Variants in CTBP2 observed in about 807,000 individuals in gnomAD.
CTBP2 encodes the protein C-terminal binding protein 2, also known as C-terminal-binding protein 2.
Under a neutral mutation model 80.3 loss-of-function variants are expected in CTBP2, and 30 were observed. That is an observed-to-expected ratio of 0.37 (90% CI 0.28 to 0.51). The LOEUF is 0.51. Ranked by LOEUF, CTBP2 falls within the 20% of genes least tolerant of loss-of-function variation. The pLI is 0.93. For synonymous variants in CTBP2, 594 were observed against 587.4 expected (o/e 1.01, Z -0.16); for missense variants, 1,212 against 1,375.3 (o/e 0.88, Z 1.88).
chr10:125,154,597 G>GA (rs1186450486), intron 1 of CTBP2, among the ~76,000 whole-genome samples: 10 of 152,244 alleles, frequency 6.6e-5, no homozygotes, highest in African/African-American at 1.2e-4. Flanking sequence ...CACTGAGGGA[G>GA]GGACTAGGCA....
chr10:125,111,786 A>G (rs946169571), intron 1 of CTBP2, among the ~76,000 whole-genome samples: 1 of 152,230 alleles, frequency 6.6e-6, no homozygotes, highest in Non-Finnish European at 1.5e-5. Context: ...CTATGCACAC[A>G]CAGCTGTGAG....
chr10:125,150,015 G>C (rs1006831963), intron 1 of CTBP2, among the ~76,000 whole-genome samples: 7 of 152,328 alleles, frequency 4.6e-5, no homozygotes, highest in African/African-American at 1.4e-4. Context: ...GTTTCTCCCT[G>C]GTTTTCACAG....
At chr10:125,110,820 T>C (rs897682571) in intron 2 of CTBP2, among the ~76,000 whole-genome samples, 170 bp downstream of exon 2, 22 of 152,302 alleles carry the variant, frequency 1.4e-4, no homozygotes, top group African/African-American at 5.1e-4. Flanking sequence ...TAAATGAAAA[T>C]ACTAGATGCA....
At chr10:125,126,107 G>A (rs1256265195) in intron 1 of CTBP2, among the ~76,000 whole-genome samples, 1 of 152,242 alleles carries the variant, frequency 6.6e-6, no homozygotes, top group Non-Finnish European at 1.5e-5. Flanking sequence ...CTAGACCGCA[G>A]TGCAGCGGTG....
chr10:125,077,939 T>C lies in CTBP2; in HGVS notation c.-102+33051A>G, dbSNP rs554090808. Among the ~76,000 whole-genome samples the C allele has an allele frequency of 2.3e-4, 35 of 152,206 alleles. No homozygotes were observed. In the South Asian group the frequency reaches 3.5e-3, roughly 15 times the overall value. ...CAGATTCAGCCCTGGGTGGTGCTGA[T>C]GGGGGGAGGTGGGGGCTGCTCTGAC... On this transcript the variant is annotated intron_variant, in intron 2 of 10. Coordinates refer to the CTBP2 transcript ENST00000337195.
chr10:124,994,998 T>C (rs551023384), intron 4 of CTBP2, among the ~76,000 whole-genome samples: 1 of 152,382 alleles, frequency 6.6e-6, no homozygotes, highest in East Asian at 1.9e-4. Context: ...CAAGCCCACA[T>C]GCCCCTCCCA....
intron 5 of CTBP2, among the ~76,000 whole-genome samples, 180 bp downstream of exon 7, chr10:124,994,289 C>T (rs1179266331): frequency 6.6e-6 from 1 of 152,234 alleles, no homozygotes; most frequent in Non-Finnish European, 1.5e-5. Flanking sequence ...CTCTGCTTAG[C>T]CTGGCTCAGC....
chr10:125,134,453 C>T (rs1395306473), intron 1 of CTBP2, among the ~76,000 whole-genome samples: 1 of 152,118 alleles, frequency 6.6e-6, no homozygotes, highest in Non-Finnish European at 1.5e-5. Flanking sequence ...GCTTCCTGGC[C>T]CTCTGCTTCA....
chr10:125,074,934 C>T (rs908328982), intron 2 of CTBP2, among the ~76,000 whole-genome samples: 19 of 152,182 alleles, frequency 1.2e-4, no homozygotes, highest in Non-Finnish European at 2.4e-4. Flanking sequence ...ACCTTGACTA[C>T]GACTTCCACA....
chr10:125,090,279 C>A (rs1848566261), intron 2 of CTBP2, among the ~76,000 whole-genome samples: 1 of 76,040 alleles, frequency 1.3e-5, no homozygotes, highest in Non-Finnish European at 2.6e-5. Flanking sequence ...CAGAGAGTCC[C>A]TGGCTCAAAA....
At chr10:125,086,223 T>G (rs1590666260) in intron 2 of CTBP2, among the ~76,000 whole-genome samples, 1 of 152,260 alleles carries the variant, frequency 6.6e-6, no homozygotes, top group East Asian at 1.9e-4. Flanking sequence ...ATGAACGGGA[T>G]TAGTGCCTGA....
chr10:124,996,001 C>T (rs1565022529), intron 4 of CTBP2: 2 of 152,036 alleles, frequency 1.3e-5, no homozygotes, highest in African/African-American at 4.8e-5. Flanking sequence ...GAAAAGCAGC[C>T]CAGAGCACCA....
chr10:125,097,868 G>A (rs1056895299), intron 2 of CTBP2, among the ~76,000 whole-genome samples: 8 of 152,124 alleles, frequency 5.3e-5, no homozygotes, highest in African/African-American at 1.7e-4. Flanking sequence ...TCCCAGCACA[G>A]CACCTTGGGA....
In CTBP2 at chr10:125,041,788, G is replaced by A. The variant is rs182042657; in HGVS notation, c.-101-2633C>T. Among the ~76,000 whole-genome samples, 526 of 152,212 alleles carry A rather than the reference G, an allele frequency of 3.5e-3. 7 individuals are homozygous for A. Among genetic ancestry groups the A allele is most frequent in the African/African-American group, 0.012 (503 of 41,522 alleles). On this transcript the variant is annotated intron_variant, in intron 2 of 10. Transcript: ENST00000337195. ...TCCTCCCCCAACCCCCGAGTGAGGC[G>A]TAATCATTCCTTTTGCTTTCCTTTG...
chr10:125,013,673 C>T (rs1956165669), intron 1 of CTBP2, among the ~76,000 whole-genome samples: 1 of 152,212 alleles, frequency 6.6e-6, no homozygotes, highest in East Asian at 1.9e-4. Context: ...GCTGTTTCCC[C>T]AGCAGGTAAC....
chr10:125,098,142 T>C (rs1212651665), intron 2 of CTBP2, among the ~76,000 whole-genome samples: 1 of 152,042 alleles, frequency 6.6e-6, no homozygotes, highest in Admixed American at 6.5e-5. Flanking sequence ...GAACAAAAAA[T>C]GCCAACAATA....
intron 1 of CTBP2, among the ~76,000 whole-genome samples, chr10:125,013,960 G>C (rs918777808): frequency 6.6e-6 from 1 of 152,104 alleles, no homozygotes; most frequent in African/African-American, 2.4e-5. Context: ...GTGATTGTTC[G>C]ATCTATCAAC....
intron 8 of CTBP2, among the ~76,000 whole-genome samples, chr10:124,990,668 C>G (rs1415410297): frequency 6.6e-6 from 1 of 152,232 alleles, no homozygotes; most frequent in Non-Finnish European, 1.5e-5. Context: ...CCTCCATCCC[C>G]CTAATTCCAG....
chr10:125,082,287 G>A (rs1322517575), intron 2 of CTBP2, among the ~76,000 whole-genome samples: 1 of 152,210 alleles, frequency 6.6e-6, no homozygotes, highest in Non-Finnish European at 1.5e-5. Flanking sequence ...GATGTGGCCA[G>A]ATGGGCTGCC....
Sources: gnomAD v4.1 joint callset for allele counts (sites outside exome capture counted in the v4.1 genomes callset) on GRCh38, gnomAD v4.1.1 for gene constraint, MANE v1.5 for transcripts, NCBI Gene and HGNC (gene_info 2026-07-23, HGNC 2026-07-21) for gene names.